The following MAST4 variants were observed in gnomAD, a reference collection of about 807,000 sequenced individuals.
MAST4 encodes the protein microtubule-associated serine/threonine-protein kinase 4.
Under a neutral mutation model 162.7 loss-of-function variants are expected in MAST4, and 89 were observed. That is an observed-to-expected ratio of 0.55 (90% CI 0.46 to 0.65). The LOEUF (loss-of-function observed/expected upper bound fraction) is 0.65. Ranked by LOEUF, MAST4 falls within the 30% of genes least tolerant of loss-of-function variation. MAST4 has a pLI of 0.00. For synonymous variants in MAST4, 1,479 were observed against 1,361.1 expected (o/e 1.09, Z -1.91); for missense variants, 3,153 against 3,374.0 (o/e 0.93, Z 1.62).
chr5:67,018,261 A>C (rs1581216179), intron 4 of MAST4, among the ~76,000 whole-genome samples: 1 of 152,324 alleles, frequency 6.6e-6, no homozygotes, highest in Non-Finnish European at 1.5e-5. Flanking sequence ...TTGGACAGAC[A>C]CAGTTGCTTA....
chr5:66,769,871 C>T (rs1395985404), intron 2 of MAST4, among the ~76,000 whole-genome samples: 3 of 152,164 alleles, frequency 2.0e-5, no homozygotes, highest in African/African-American at 4.8e-5. Context: ...CTTGGCTCTT[C>T]GCCAACCAGA....
At chr5:66,645,080 T>A (rs1414836622) in intron 1 of MAST4, among the ~76,000 whole-genome samples, 1 of 152,110 alleles carries the variant, frequency 6.6e-6, no homozygotes, top group Non-Finnish European at 1.5e-5. Context: ...TGTGTCTGTT[T>A]CTTTTTGAAG....
At chr5:66,759,552 A>G (rs1366447298) in intron 1 of MAST4, among the ~76,000 whole-genome samples, 157 bp from the exon 2 acceptor site, 1 of 152,228 alleles carries the variant, frequency 6.6e-6, no homozygotes, top group Middle Eastern at 3.2e-3. Flanking sequence ...TGTGACAGTG[A>G]AATTCTAAAT....
At position 66,733,625 on chromosome 5, in the gene MAST4, G is replaced by C. The variant is rs552351549; in HGVS notation, c.364-26084G>C. On this transcript the variant is annotated intron_variant, in intron 1 of 28. Coordinates refer to ENST00000403625, the MANE Select transcript of MAST4 (RefSeq NM_001164664.2). Reference sequence around the variant, plus strand: ...GGCGCCCGCCACCACGCCCAGATAAGTTTTTGTATTTTTAGTAGAGATGGG... The same window carrying C: ...GGCGCCCGCCACCACGCCCAGATAACTTTTTGTATTTTTAGTAGAGATGGG... 4.0e-3 allele frequency among the ~76,000 whole-genome samples: 603 copies of C among 152,024 alleles called. 6 individuals are homozygous for C. The highest frequency in any genetic ancestry group is 0.014 in the African/African-American group (578 of 41,478).
intron 1 of MAST4, among the ~76,000 whole-genome samples, chr5:66,663,441 A>AG (rs1173501220): frequency 6.6e-6 from 1 of 152,236 alleles, no homozygotes; most frequent in Admixed American, 6.5e-5. Context: ...AAGCAGGTTA[A>AG]GGGAGATAGC....
At chr5:67,159,212 GTAAA>G (rs1772908712) in intron 26 of MAST4, among the ~76,000 whole-genome samples, 1 of 152,176 alleles carries the variant, frequency 6.6e-6, no homozygotes. Flanking sequence ...ACATAAAGCT[GTAAA>G]TAAACTGAGA....
chr5:66,879,140 G>C (rs536250392), intron 3 of MAST4, among the ~76,000 whole-genome samples: 1 of 152,040 alleles, frequency 6.6e-6, no homozygotes, highest in Admixed American at 6.6e-5. Context: ...TTAGCTGGGC[G>C]TGGTGGCGGG....
intron 1 of MAST4, among the ~76,000 whole-genome samples, chr5:66,732,889 T>C (rs1751938447): frequency 6.6e-6 from 1 of 152,222 alleles, no homozygotes; most frequent in Non-Finnish European, 1.5e-5. Flanking sequence ...CGCCATTCGG[T>C]CTCTAAAGCT....
chr5:66,965,314 T>G (rs1018969127), intron 4 of MAST4, among the ~76,000 whole-genome samples: 1 of 151,068 alleles, frequency 6.6e-6, no homozygotes, highest in African/African-American at 2.4e-5. Flanking sequence ...AATTGAACTG[T>G]GTCCTGAACT....
At chr5:66,834,679 C>G (rs1399018517) in intron 3 of MAST4, among the ~76,000 whole-genome samples, 1 of 152,172 alleles carries the variant, frequency 6.6e-6, no homozygotes, top group Admixed American at 6.6e-5. Flanking sequence ...GGAATTTGAA[C>G]AGATTCTAAG....
chr5:66,741,933 A>G (rs868649371), intron 1 of MAST4, among the ~76,000 whole-genome samples: 12 of 152,298 alleles, frequency 7.9e-5, no homozygotes, highest in Middle Eastern at 6.8e-3. Flanking sequence ...TCCCTGTATA[A>G]GGAGAGGAAA....
At chr5:67,025,750 C>T (rs769288017) in intron 4 of MAST4, among the ~76,000 whole-genome samples, 6 of 152,128 alleles carry the variant, frequency 3.9e-5, no homozygotes, top group East Asian at 1.9e-4. Context: ...TAGGAAAGCC[C>T]GGAGTATATT....
At chr5:67,155,195 A>C (rs184242584) in intron 26 of MAST4, among the ~76,000 whole-genome samples, 7 of 152,206 alleles carry the variant, frequency 4.6e-5, no homozygotes, top group African/African-American at 1.7e-4. Flanking sequence ...CACAACTTCA[A>C]AGTGAACCTG....
At chr5:67,008,901 G>A (rs1022051237) in intron 4 of MAST4, among the ~76,000 whole-genome samples, 27 of 152,198 alleles carry the variant, frequency 1.8e-4, no homozygotes, top group African/African-American at 6.5e-4. Flanking sequence ...AGATACATCT[G>A]TAGTGTTTGA....
At chr5:67,078,678 ATTTAT>A (rs1761996610) in intron 5 of MAST4, among the ~76,000 whole-genome samples, 2 of 133,972 alleles carry the variant, frequency 1.5e-5, no homozygotes, top group African/African-American at 2.9e-5. Flanking sequence ...TTTATATTAT[ATTTAT>A]TTATATTTAT....
At position 67,095,686 on chromosome 5, in the gene MAST4, G is replaced by T; in HGVS notation, c.912+11G>T. The T allele has an allele frequency of 6.5e-7, 1 of 1,528,258 alleles. No homozygotes were observed. Among genetic ancestry groups the T allele is most frequent in the Admixed American group, 2.2e-5 (1 of 46,262 alleles). The allele number at this position is 1,528,258 out of a possible 1,614,324, so 94.7% of individuals were successfully genotyped here. A position where few individuals can be genotyped will look rare whatever the true frequency, so the allele number is the denominator to read the frequency against. ...AGCTCTACGGTCTCTGTAAGTGCCT[G>T]ACTTTTTTTTTTTTTTTCTCTTCCT... On this transcript the variant is annotated intron_variant, in intron 7 of 28. Transcript: ENST00000403625.
chr5:66,752,169 G>A (rs552464411), intron 1 of MAST4, among the ~76,000 whole-genome samples: 24 of 152,202 alleles, frequency 1.6e-4, no homozygotes, highest in African/African-American at 4.1e-4. Context: ...AGGAACAACC[G>A]GTACCAGCTG....
intron 4 of MAST4, among the ~76,000 whole-genome samples, chr5:67,051,740 G>A (rs1581354533): frequency 6.6e-6 from 1 of 152,140 alleles, no homozygotes; most frequent in Admixed American, 6.5e-5. Flanking sequence ...GCTGTGTAAA[G>A]TGTCCCTCTA....
intron 14 of MAST4, among the ~76,000 whole-genome samples, chr5:67,125,392 T>C (rs901482188): frequency 6.6e-6 from 1 of 152,084 alleles, no homozygotes; most frequent in African/African-American, 2.4e-5. Flanking sequence ...CCTAATGCTA[T>C]CCCTCCCCTA....
Sources: gnomAD v4.1 joint callset for allele counts (sites outside exome capture counted in the v4.1 genomes callset) on GRCh38, gnomAD v4.1.1 for gene constraint, MANE v1.5 for transcripts, NCBI Gene and HGNC (gene_info 2026-07-23, HGNC 2026-07-21) for gene names.